Variants in HS3ST4 observed in about 807,000 individuals in gnomAD.
The protein encoded by HS3ST4 is heparan sulfate-glucosamine 3-sulfotransferase 4.
HS3ST4 carries 17 observed loss-of-function variants against 29.2 expected under a neutral mutation model. The observed-to-expected ratio is 0.58, with a 90% confidence interval of 0.40 to 0.87. The LOEUF (loss-of-function observed/expected upper bound fraction) is 0.87, where lower values mean the gene tolerates loss of function less well. Ranked by LOEUF, HS3ST4 falls within the 40% of genes least tolerant of loss-of-function variation. The pLI is 0.00. For synonymous variants in HS3ST4, 314 were observed against 285.7 expected, an observed-to-expected ratio of 1.10 and a Z score of -1.00; for missense variants, 627 against 634.5, an observed-to-expected ratio of 0.99 and a Z score of 0.13.
intron 1 of HS3ST4, among the ~76,000 whole-genome samples, chr16:26,099,581 C>G (rs948024241): frequency 2.0e-5 from 3 of 152,188 alleles, no homozygotes; most frequent in Non-Finnish European, 2.9e-5. Flanking sequence ...ACGAAAGGAA[C>G]TCCATCAGGC....
chr16:26,016,497 A>G (rs893982027), intron 1 of HS3ST4, among the ~76,000 whole-genome samples: 1 of 152,204 alleles, frequency 6.6e-6, no homozygotes, highest in Non-Finnish European at 1.5e-5. Flanking sequence ...CTTCTCTATC[A>G]TTAGCATATC....
chr16:26,021,229 C>A (rs116693411), intron 1 of HS3ST4, among the ~76,000 whole-genome samples: 2 of 152,142 alleles, frequency 1.3e-5, no homozygotes, highest in Non-Finnish European at 2.9e-5. Context: ...AGTTTGTTGT[C>A]AATTTTTATA....
At chr16:25,986,968 G>A (rs916085703) in intron 1 of HS3ST4, among the ~76,000 whole-genome samples, 8 of 152,154 alleles carry the variant, frequency 5.3e-5, no homozygotes, top group African/African-American at 1.7e-4. Flanking sequence ...GTTGTTAATC[G>A]GTCTGGTTAA....
intron 1 of HS3ST4, among the ~76,000 whole-genome samples, chr16:25,902,815 T>G (rs1342281712): frequency 6.6e-6 from 1 of 151,934 alleles, no homozygotes; most frequent in East Asian, 1.9e-4. Flanking sequence ...GTCTGGCGGA[T>G]GCCTGGGTGC....
At chr16:25,696,335 C>T (rs930330386) in intron 1 of HS3ST4, among the ~76,000 whole-genome samples, 2 of 152,190 alleles carry the variant, frequency 1.3e-5, no homozygotes, top group East Asian at 1.9e-4. Context: ...GATGGGACCT[C>T]GGGCCAGGCC....
chr16:25,716,696 C>T (rs6497883), intron 1 of HS3ST4, among the ~76,000 whole-genome samples: 102,473 of 152,070 alleles, frequency 0.67, 34,879 homozygotes, highest in East Asian at 0.86. Context: ...GGGTTTCAGG[C>T]AGAGCATCTT....
intron 1 of HS3ST4, among the ~76,000 whole-genome samples, chr16:26,005,495 C>T (rs919287826): frequency 2.0e-5 from 3 of 152,128 alleles, no homozygotes; most frequent in African/African-American, 7.2e-5. Flanking sequence ...GGTAATAGGG[C>T]TTATCTAAAC....
chr16:25,789,387 TTC>T (rs1186956470), intron 1 of HS3ST4, among the ~76,000 whole-genome samples: 10 of 150,236 alleles, frequency 6.7e-5, no homozygotes, highest in Non-Finnish European at 1.2e-4. Flanking sequence ...CTTTCTTTCT[TTC>T]TCTTTCTTTG....
At chr16:25,833,516 G>T (rs1280791722) in intron 1 of HS3ST4, among the ~76,000 whole-genome samples, 1 of 152,172 alleles carries the variant, frequency 6.6e-6, no homozygotes, top group Non-Finnish European at 1.5e-5. Context: ...AACAGTACCT[G>T]ATATATCATA....
chr16:25,746,406 A>G (rs1596559203), intron 1 of HS3ST4, among the ~76,000 whole-genome samples: 1 of 152,160 alleles, frequency 6.6e-6, no homozygotes, highest in African/African-American at 2.4e-5. Flanking sequence ...AAAGCCATCA[A>G]TGTGGGCAAA....
At chr16:25,888,781 CACAACAACAACAAA>C (rs1302296278) in intron 1 of HS3ST4, among the ~76,000 whole-genome samples, 1 of 152,110 alleles carries the variant, frequency 6.6e-6, no homozygotes, top group Non-Finnish European at 1.5e-5. Context: ...AAGAGGTATT[CACAACAACAACAAA>C]ACAACAACAA....
chr16:25,863,914 T>C (rs189445539), intron 1 of HS3ST4, among the ~76,000 whole-genome samples: 8 of 152,396 alleles, frequency 5.2e-5, no homozygotes, highest in Admixed American at 5.2e-4. Context: ...CTTACATTTC[T>C]GGAGGCTGGA....
chr16:25,864,037 G>C (rs1269535311), intron 1 of HS3ST4, among the ~76,000 whole-genome samples: 1 of 125,180 alleles, frequency 8.0e-6, no homozygotes, highest in South Asian at 2.7e-4. Context: ...CTTCGCGTGG[G>C]CATCCTCTGT....
intron 1 of HS3ST4, among the ~76,000 whole-genome samples, chr16:25,875,558 T>A (rs1480854282): frequency 6.6e-6 from 1 of 152,136 alleles, no homozygotes; most frequent in Non-Finnish European, 1.5e-5. Context: ...AGAATCAATT[T>A]CTAGCAATCC....
At chr16:25,710,787 G>A in intron 1 of HS3ST4, among the ~76,000 whole-genome samples, 1 of 125,732 alleles carries the variant, frequency 8.0e-6, no homozygotes, top group Non-Finnish European at 1.7e-5. Flanking sequence ...ATTTCCAGCA[G>A]TTGTGCTTTT....
chr16:26,016,590 G>GT (rs969027412), intron 1 of HS3ST4, among the ~76,000 whole-genome samples: 1 of 152,134 alleles, frequency 6.6e-6, no homozygotes, highest in African/African-American at 2.4e-5. Context: ...TTTTTAAAAT[G>GT]TGTTTTGTTT....
intron 1 of HS3ST4, among the ~76,000 whole-genome samples, chr16:25,903,184 A>G (rs1968135892): frequency 6.6e-6 from 1 of 151,664 alleles, no homozygotes; most frequent in African/African-American, 2.4e-5. Flanking sequence ...TCAGGGAGAA[A>G]TAGTGATTCT....
chr16:25,893,567 G>T (rs548485232), intron 1 of HS3ST4, among the ~76,000 whole-genome samples: 2 of 152,248 alleles, frequency 1.3e-5, no homozygotes, highest in South Asian at 4.2e-4. Flanking sequence ...GACCAGGGAG[G>T]GTTCCCATTG....
intron 1 of HS3ST4, among the ~76,000 whole-genome samples, chr16:25,828,276 C>CTT: frequency 1.1e-5 from 1 of 88,236 alleles, no homozygotes; most frequent in Admixed American, 1.3e-4. Context: ...TTCTTTCTTT[C>CTT]TTTCTTTCTT....
Sources: allele counts gnomAD v4.1 joint callset (sites outside exome capture counted in the v4.1 genomes callset), GRCh38; gene constraint gnomAD v4.1.1; transcripts MANE v1.5; gene names NCBI Gene and HGNC (gene_info 2026-07-23, HGNC 2026-07-21).